ORC4: variants seen among roughly 807,000 people sequenced by gnomAD.
ORC4 encodes the protein origin recognition complex subunit 4.
Under a neutral mutation model 63.9 loss-of-function variants are expected in ORC4, and 55 were observed. That is an observed-to-expected ratio of 0.86 (90% CI 0.69 to 1.08). The LOEUF is 1.08. Among genes scored for constraint, ORC4 ranks in the 50% least tolerant of loss-of-function variants. The pLI is 0.00. For missense variants in ORC4, 511 were observed against 504.4 expected, an observed-to-expected ratio of 1.01 and a Z score of -0.13; for synonymous variants, 150 against 168.5, an observed-to-expected ratio of 0.89 and a Z score of 0.85.
At position 147,939,164 on chromosome 2, in the gene ORC4, C is replaced by A. The variant is rs1272634622; in HGVS notation, c.934G>T (p.Asp312Tyr). 1 of 1,609,746 alleles carries A rather than the reference C, an allele frequency of 6.2e-7. No individual in the cohort carries two copies. The highest frequency in any genetic ancestry group is 8.5e-7 in the Non-Finnish European group (1 of 1,176,206). The change falls in exon 11 of 14, where the codon GAC becomes TAC. Residue 312 changes from aspartate to tyrosine, a missense_variant. Physicochemically the swap from Asp to Tyr is radical, Grantham distance 160. Transcript: ENST00000392857. Reference sequence around the variant, plus strand: ...CCATGTACAATATTTGCTTTCGAGTCCATGCTACACAGTTGGCTTGCTTCC... The same window carrying A: ...CCATGTACAATATTTGCTTTCGAGTACATGCTACACAGTTGGCTTGCTTCC... ...LMEASQLCSM[D>Y]SKANIVHGLS...
In ORC4 at chr2:147,958,499, T is replaced by G. The variant is rs1689393133; in HGVS notation, c.302-116A>C. 4 of 740,404 alleles carry G rather than the reference T, an allele frequency of 5.4e-6. No homozygotes were observed. In the African/African-American group the frequency reaches 7.0e-5, roughly 13 times the overall value. 45.9% of individuals were successfully genotyped at this position (740,404 alleles called of 1,614,324 possible). A position where few individuals can be genotyped will look rare whatever the true frequency, so the allele number is the denominator to read the frequency against. On this transcript the variant is annotated intron_variant, in intron 5 of 13. Coordinates refer to ENST00000392857, the MANE Select transcript of ORC4 (RefSeq NM_181741.4). ...TCAAAGCCTGTGAGTTCATATCACT[T>G]TCTTCTTAAAACTTAGCAATAAAGA...
At chr2:148,017,405 C>T (rs1235229031) in intron 1 of ORC4, among the ~76,000 whole-genome samples, 3 of 152,248 alleles carry the variant, frequency 2.0e-5, no homozygotes, top group African/African-American at 7.2e-5. Context: ...GGTGCAGTGG[C>T]TCACGTCTGT....
chr2:148,018,579 TTATTATAC>T (rs66818967), intron 1 of ORC4, among the ~76,000 whole-genome samples: 49,186 of 151,624 alleles, frequency 0.32, 8,143 homozygotes, highest in East Asian at 0.51. Flanking sequence ...TATACTATAC[TTATTATAC>T]TATAGATTAC....
intron 9 of ORC4, 104 bp from the exon 10 acceptor site, chr2:147,943,626 C>CT: frequency 1.5e-6 from 1 of 679,340 alleles, no homozygotes; most frequent in Non-Finnish European, 2.6e-6. Flanking sequence ...GTAACTCTAT[C>CT]TAATATTAAT....
chr2:147,970,508 G>C (rs977375480), intron 4 of ORC4, among the ~76,000 whole-genome samples: 1 of 149,958 alleles, frequency 6.7e-6, no homozygotes, highest in African/African-American at 2.5e-5. Context: ...AATAGAAAGA[G>C]AACCTAAAAA....
At chr2:147,956,331 C>G (rs1689249811) in intron 6 of ORC4, among the ~76,000 whole-genome samples, 1 of 152,052 alleles carries the variant, frequency 6.6e-6, no homozygotes, top group Non-Finnish European at 1.5e-5. Context: ...ATAACAAATC[C>G]TCAAAGAGAC....
chr2:147,947,945 G>T, intron 9 of ORC4, 106 bp downstream of exon 9: 2 of 873,584 alleles, frequency 2.3e-6, no homozygotes, highest in Non-Finnish European at 1.9e-6. Context: ...TTATCCTTCA[G>T]CAATATTAGA....
intron 4 of ORC4, among the ~76,000 whole-genome samples, chr2:147,970,939 T>A (rs1311623310): frequency 6.6e-6 from 1 of 151,776 alleles, no homozygotes; most frequent in Admixed American, 6.6e-5. Flanking sequence ...AGGACCAGCC[T>A]GGGAAACATG....
intron 1 of ORC4, among the ~76,000 whole-genome samples, chr2:147,987,186 TA>T (rs11399347): frequency 6.0e-4 from 86 of 143,624 alleles, no homozygotes; most frequent in Admixed American, 1.0e-3. Flanking sequence ...TTGAGATCTT[TA>T]AAAAAAAAAA....
Position 147,932,647 on chromosome 2 carries a change from G to A in ORC4, c.*2863C>T, listed in dbSNP as rs1385821551. The A allele has an allele frequency of 6.6e-6, 1 of 152,116 alleles. No homozygotes were observed. Among genetic ancestry groups the A allele is most frequent in the African/African-American group, 2.4e-5 (1 of 41,426 alleles). 9.4% of individuals were successfully genotyped at this position (152,116 alleles called of 1,614,324 possible). On this transcript the variant is annotated 3_prime_UTR_variant, in exon 14 of 14. Coordinates refer to ENST00000392857, the MANE Select transcript of ORC4 (RefSeq NM_181741.4). ...ATTTCCCTCTATTATCGTCTAAACAGATTATATTCCCACTAAAGTATGTGT... is the reference window on the plus strand; with the variant it reads ...ATTTCCCTCTATTATCGTCTAAACAAATTATATTCCCACTAAAGTATGTGT...
chr2:148,017,350 T>C (rs939935505), intron 1 of ORC4, among the ~76,000 whole-genome samples: 19 of 152,246 alleles, frequency 1.2e-4, no homozygotes, highest in African/African-American at 4.3e-4. Flanking sequence ...AACTGCCATA[T>C]AAAATACTTG....
intron 2 of ORC4, among the ~76,000 whole-genome samples, chr2:147,975,215 G>A (rs17218966): frequency 3.4e-3 from 519 of 152,148 alleles, no homozygotes; most frequent in East Asian, 8.3e-3. Context: ...TAATCTATAA[G>A]CTTCTTAAGG....
intron 4 of ORC4, chr2:147,960,516 A>G (rs573285401): frequency 4.6e-6 from 1 of 215,170 alleles, no homozygotes; most frequent in Non-Finnish European, 7.9e-6. Context: ...AAATTTGGTC[A>G]TCTCCTTTCC....
At chr2:147,999,359 C>T (rs1007904135) in intron 1 of ORC4, among the ~76,000 whole-genome samples, 1 of 152,086 alleles carries the variant, frequency 6.6e-6, no homozygotes, top group Non-Finnish European at 1.5e-5. Context: ...AACGTTGAGG[C>T]CCCCTAGCTC....
At chr2:147,980,570 G>A (rs1690823317) in intron 1 of ORC4, among the ~76,000 whole-genome samples, 1 of 152,094 alleles carries the variant, frequency 6.6e-6, no homozygotes, top group Admixed American at 6.6e-5. Flanking sequence ...ATTTCTCACA[G>A]GACATAAAAA....
chr2:147,984,978 G>A lies in ORC4; in HGVS notation c.-17-9003C>T, dbSNP rs548792160. Among the ~76,000 whole-genome samples, 9 of 152,192 alleles carry A rather than the reference G, an allele frequency of 5.9e-5. No individual in the cohort carries two copies. The South Asian group carries it at 1.9e-3, about 32-fold the overall frequency. ...TTCTCCATTCCTATGCTTTCCAAGG[G>A]TTGCTTGTTGATAAATTCTAAAAAT... On this transcript the variant is annotated intron_variant, in intron 1 of 13. Transcript: ENST00000392857.
At chr2:148,014,686 C>T (rs557314699) in intron 1 of ORC4, among the ~76,000 whole-genome samples, 134 of 152,030 alleles carry the variant, frequency 8.8e-4, no homozygotes, top group African/African-American at 3.0e-3. Flanking sequence ...TTTAAAAACA[C>T]GACTATAAAA....
chr2:147,947,422 A>G (rs1325473766), intron 9 of ORC4, among the ~76,000 whole-genome samples: 1 of 152,086 alleles, frequency 6.6e-6, no homozygotes, highest in Non-Finnish European at 1.5e-5. Flanking sequence ...TAAGATTAAA[A>G]TGCTAGTGTG....
chr2:147,956,134 A>G (rs1381575566), intron 6 of ORC4, among the ~76,000 whole-genome samples: 2 of 152,102 alleles, frequency 1.3e-5, no homozygotes, highest in Admixed American at 1.3e-4. Context: ...GTTCATAACT[A>G]AAAGAAACAG....
Sources: gnomAD v4.1 joint callset for allele counts (sites outside exome capture counted in the v4.1 genomes callset) on GRCh38, gnomAD v4.1.1 for gene constraint, MANE v1.5 for transcripts, NCBI Gene and HGNC (gene_info 2026-07-23, HGNC 2026-07-21) for gene names.